Variants in TRPM1 observed in about 807,000 individuals in gnomAD.
TRPM1 encodes the protein transient receptor potential cation channel subfamily M member 1, also known as TRPM1-203 APA Isoform, Intron 10.
A neutral mutation model predicts 149.4 loss-of-function variants in TRPM1; 113 were observed. The observed-to-expected ratio is 0.76, with a 90% CI of 0.65 to 0.88. TRPM1 has a LOEUF of 0.88. Among genes scored for constraint, TRPM1 ranks in the 40% least tolerant of loss-of-function variants. TRPM1 has a pLI of 0.00. For synonymous variants in TRPM1, 741 were observed against 759.5 expected (o/e 0.98, Z 0.40); for missense variants, 1,976 against 2,038.7 (o/e 0.97, Z 0.59).
chr15:31,068,727 A>G (rs1031182478), intron 4 of TRPM1, among the ~76,000 whole-genome samples: 5 of 144,058 alleles, frequency 3.5e-5, no homozygotes, highest in Non-Finnish European at 6.0e-5. Context: ...CTGGGCAACA[A>G]GATCGAAACT....
chr15:31,028,451 A>T lies in TRPM1; in HGVS notation c.3174T>A (p.Asp1058Glu), dbSNP rs748046539. The T allele has an allele frequency of 1.2e-6, 2 of 1,614,102 alleles. No homozygotes were observed. The highest frequency in any genetic ancestry group is 1.7e-6 in the Non-Finnish European group (2 of 1,180,034). The change falls in exon 25 of 28, where the codon GAT (aspartate) becomes GAA (glutamate). Residue 1058 changes from aspartate to glutamate, a missense_variant. Transcript: ENST00000256552. ...AGGGAGGAAGCCGCTTGCCCTCCTCATCATATAGGTTCTCACCACAAGGAG... is the reference window on the plus strand; with the variant it reads ...AGGGAGGAAGCCGCTTGCCCTCCTCTTCATATAGGTTCTCACCACAAGGAG... ...INPPCGENLY[D>E]EEGKRLPPCI...
intron 1 of TRPM1, among the ~76,000 whole-genome samples, chr15:31,087,125 A>G (rs1306843494): frequency 6.6e-6 from 1 of 151,786 alleles, no homozygotes; most frequent in Non-Finnish European, 1.5e-5. Context: ...CATTGCTGGC[A>G]GGAATGTAAA....
chr15:31,142,423 T>G (rs2036173373), intron 1 of TRPM1, among the ~76,000 whole-genome samples: 1 of 152,200 alleles, frequency 6.6e-6, no homozygotes, highest in African/African-American at 2.4e-5. Flanking sequence ...TGTGAGATCT[T>G]GTAGGTAATT....
intron 26 of TRPM1, 88 bp from the exon 27 acceptor site, chr15:31,026,359 TTAAGC>T: frequency 6.6e-7 from 1 of 1,505,654 alleles, no homozygotes; most frequent in Non-Finnish European, 9.0e-7. Flanking sequence ...CCCACTTTAA[TTAAGC>T]TCTCTTCTCC....
At chr15:31,105,476 C>T (rs868608974), upstream of TRPM1, among the ~76,000 whole-genome samples, 6 of 142,948 alleles carry the variant, frequency 4.2e-5, no homozygotes, top group African/African-American at 1.2e-4. Flanking sequence ...TGTGTGTGCG[C>T]GCGCGCGCGC....
chr15:31,042,589 G>T (rs1203383836), intron 16 of TRPM1, among the ~76,000 whole-genome samples: 1 of 152,214 alleles, frequency 6.6e-6, no homozygotes, highest in Non-Finnish European at 1.5e-5. Context: ...CATCATGGAA[G>T]AGGGAAGGTC....
intron 27 of TRPM1, among the ~76,000 whole-genome samples, chr15:31,015,439 A>G (rs942261390): frequency 6.6e-5 from 10 of 151,842 alleles, no homozygotes; most frequent in Non-Finnish European, 1.5e-4. Flanking sequence ...AAGAAGAGAA[A>G]AAGAAAAAAG....
Position 31,036,149 on chromosome 15 carries a change from G to A in TRPM1, c.2572-475C>T, listed in dbSNP as rs536020919. Among the ~76,000 whole-genome samples the A allele has an allele frequency of 2.6e-5, 4 of 152,230 alleles. No individual in the cohort carries two copies. In the East Asian group the frequency reaches 5.8e-4, roughly 22 times the overall value. ...CCCAGATATGCGAGCTGACCCTAGAGTCCCCTCAGTTACTGGTGGCATGTC... is the reference window on the plus strand; with the variant it reads ...CCCAGATATGCGAGCTGACCCTAGAATCCCCTCAGTTACTGGTGGCATGTC... On this transcript the variant is annotated intron_variant, in intron 20 of 27. Coordinates refer to ENST00000256552, the MANE Select transcript of TRPM1 (RefSeq NM_001252024.2).
At chr15:31,136,667 C>T (rs947208509) in intron 1 of TRPM1, among the ~76,000 whole-genome samples, 3 of 152,054 alleles carry the variant, frequency 2.0e-5, no homozygotes, top group Non-Finnish European at 4.4e-5. Flanking sequence ...ATCTCCCTGT[C>T]CTTGTCTCAT....
At chr15:31,100,735 C>A (rs769607641) in intron 1 of TRPM1, among the ~76,000 whole-genome samples, 10 of 152,110 alleles carry the variant, frequency 6.6e-5, no homozygotes, top group Non-Finnish European at 1.5e-4. Flanking sequence ...CACAATAATT[C>A]TGTACGGTTA....
chr15:31,027,234 C>G, intron 25 of TRPM1, 117 bp from the exon 26 acceptor site: 1 of 885,166 alleles, frequency 1.1e-6, no homozygotes, highest in Non-Finnish European at 1.8e-6. Context: ...CTTTTAGTGC[C>G]CTTTAGTACT....
chr15:31,126,779 C>A (rs1384194067), intron 1 of TRPM1, among the ~76,000 whole-genome samples: 1 of 152,150 alleles, frequency 6.6e-6, no homozygotes, highest in African/African-American at 2.4e-5. Flanking sequence ...GCCTGGCCAA[C>A]ATGGTGAAAC....
Position 31,037,830 on chromosome 15 carries a change from C to G in TRPM1, c.2452G>C (p.Asp818His). Residue 818 changes from aspartate (D) to histidine (H), a missense_variant, in exon 20 of 28, where the codon GAT (aspartate) becomes CAT (histidine). Physicochemically the swap from Asp to His is moderately conservative, Grantham distance 81 (BLOSUM62 -1). This residue lies in a region of TRPM1 where 1,332 missense variants were observed against 1,347.1 expected (regional missense o/e 0.99). Transcript: ENST00000256552. ...KEEENTDANA[D>H]AGSRKGDEEN... ...TCATCCCCCTTTCTTGAGCCAGCAT[C>G]TGCATTTGCATCCTGGAAAACAGAG... The G allele has an allele frequency of 4.3e-6, 7 of 1,614,174 alleles. No individual in the cohort carries two copies. Among genetic ancestry groups the G allele is most frequent in the Non-Finnish European group, 5.9e-6 (7 of 1,180,020 alleles).
At chr15:31,067,716 A>C (rs2034418908) in intron 5 of TRPM1, among the ~76,000 whole-genome samples, 163 bp downstream of exon 5, 1 of 152,172 alleles carries the variant, frequency 6.6e-6, no homozygotes, top group Non-Finnish European at 1.5e-5. Context: ...GAGTCATATC[A>C]AAGTAAAAAA....
At chr15:31,069,501 G>GTGT in intron 4 of TRPM1, 3 of 1,098,056 alleles carry the variant, frequency 2.7e-6, no homozygotes, top group Admixed American at 4.5e-5. Context: ...GAGTGAGCTG[G>GTGT]AACGGATCAC....
intron 1 of TRPM1, among the ~76,000 whole-genome samples, chr15:31,093,264 A>G (rs2035290039): frequency 1.7e-5 from 2 of 116,040 alleles, no homozygotes; most frequent in Non-Finnish European, 3.7e-5. Context: ...TTGTCTCAAA[A>G]AAAAAAAAAA....
At chr15:31,110,532 G>A (rs987810472) in intron 1 of TRPM1, among the ~76,000 whole-genome samples, 2 of 152,246 alleles carry the variant, frequency 1.3e-5, no homozygotes, top group Non-Finnish European at 2.9e-5. Context: ...CTGGAAGGCA[G>A]AGGGTCTTCC....
rs1359604339 is a variant in TRPM1 at position 31,156,837 on chromosome 15, A to T, written c.54+4069T>A. 2.0e-5 allele frequency among the ~76,000 whole-genome samples: 3 copies of T among 152,218 alleles called. No individual in the cohort carries two copies. The East Asian group carries it at 5.8e-4, about 29-fold the overall frequency. ...TTGACTATTTTTGTCAACATTATAGATACAGCTAACCATCTCCACTTTGAA... is the reference window on the plus strand; with the variant it reads ...TTGACTATTTTTGTCAACATTATAGTTACAGCTAACCATCTCCACTTTGAA... On this transcript the variant is annotated intron_variant, in intron 1 of 26. Transcript: ENST00000542188.
At position 31,026,174 on chromosome 15, in the gene TRPM1, C is replaced by CG; in HGVS notation, c.3593dup (p.Ser1199ValfsTer11). On this transcript the variant is annotated frameshift_variant, in exon 27 of 28. Transcript: ENST00000256552. LOFTEE classifies it low-confidence loss of function (END_TRUNC). ...TGACCCGGATGCGCTCGTCGCTGGA[C>CG]GACTGCTGCTCATCCTCCTTCTCCC... 1 of 1,612,286 alleles carries CG rather than the reference C, an allele frequency of 6.2e-7. No individual in the cohort carries two copies. The highest frequency in any genetic ancestry group is 1.1e-5 in the South Asian group (1 of 91,086).
Sources: gnomAD v4.1 joint callset for allele counts (sites outside exome capture counted in the v4.1 genomes callset) on GRCh38, gnomAD v4.1.1 for gene constraint, gnomAD v4.1.1 regional missense constraint, MANE v1.5 for transcripts, NCBI Gene and HGNC (gene_info 2026-07-23, HGNC 2026-07-21) for gene names.